The following ATXN2 variants were observed in gnomAD, a reference collection of about 807,000 sequenced individuals.
The protein encoded by ATXN2 is ataxin 2.
Under a neutral mutation model 138.6 loss-of-function variants are expected in ATXN2, and 37 were observed. The ratio of observed to expected loss-of-function variants is 0.27; its 90% CI spans 0.21 to 0.35. The LOEUF is 0.35. ATXN2 is among the 10% of genes least tolerant of loss of function. ATXN2 has a pLI of 1.00. For synonymous variants in ATXN2, 549 were observed against 543.7 expected, an observed-to-expected ratio of 1.01 and a Z score of -0.13; for missense variants, 1,216 against 1,480.3, an observed-to-expected ratio of 0.82 and a Z score of 2.93.
chr12:111,599,397 G>C, upstream of ATXN2: 1 of 1,166,240 alleles, frequency 8.6e-7, no homozygotes, highest in Non-Finnish European at 1.1e-6. Flanking sequence ...CCGCCGCCCC[G>C]CCCGCTCCGC....
chr12:111,581,370 C>G (rs919789505), intron 1 of ATXN2: 3 of 647,598 alleles, frequency 4.6e-6, no homozygotes, highest in Non-Finnish European at 8.7e-6. Flanking sequence ...CTGGTCTTCC[C>G]TGGACACCAT....
At chr12:111,460,462 G>A (rs1398605978) in intron 21 of ATXN2, among the ~76,000 whole-genome samples, 1 of 152,112 alleles carries the variant, frequency 6.6e-6, no homozygotes, top group African/African-American at 2.4e-5. Context: ...CGCCACCCCA[G>A]CCTCTTAAAA....
At chr12:111,593,259 A>G (rs1182958666) in intron 1 of ATXN2, among the ~76,000 whole-genome samples, 1 of 151,770 alleles carries the variant, frequency 6.6e-6, no homozygotes, top group Non-Finnish European at 1.5e-5. Context: ...ATGCCCGGCT[A>G]ATTTTTGTAT....
chr12:111,522,534 C>T (rs554238766), intron 6 of ATXN2, among the ~76,000 whole-genome samples: 130 of 149,880 alleles, frequency 8.7e-4, no homozygotes, highest in Non-Finnish European at 1.6e-3. Context: ...GGTGTGAACC[C>T]GGGAGGCAGA....
chr12:111,581,964 C>T (rs1213901443), intron 1 of ATXN2, among the ~76,000 whole-genome samples: 2 of 149,200 alleles, frequency 1.3e-5, no homozygotes, highest in Non-Finnish European at 3.0e-5. Context: ...AAAAAAAAAA[C>T]ACCAGAGCCA....
rs1402377149 is a variant in ATXN2, at chr12:111,513,421, T to C, written c.1494A>G (p.Ala498=). The change falls in exon 11 of 25, where the codon GCA becomes GCG. Residue 498 remains alanine (A), a synonymous_variant. Coordinates refer to ENST00000673436, the MANE Select transcript of ATXN2 (RefSeq NM_001372574.1). The part of the protein sequence containing the change: ...EFVSHNPPSE[A]ATPPVARTSP... ...TGGTCCTTGCTACTGGAGGAGTAGC[T>C]GCTTCACTGGGTGGGTTGTGGGATA... 1 of 1,614,120 alleles carries C rather than the reference T, an allele frequency of 6.2e-7. No individual in the cohort carries two copies.
intron 14 of ATXN2, among the ~76,000 whole-genome samples, chr12:111,497,154 G>C (rs1878469957): frequency 6.6e-6 from 1 of 152,024 alleles, no homozygotes; most frequent in Non-Finnish European, 1.5e-5. Context: ...TACCAAGACT[G>C]AACCACAAAG....
intron 21 of ATXN2, among the ~76,000 whole-genome samples, chr12:111,463,001 C>CAT (rs1566004427): frequency 2.3e-5 from 3 of 130,916 alleles, no homozygotes; most frequent in Non-Finnish European, 4.4e-5. Flanking sequence ...CACACACACA[C>CAT]ATATATGTAT....
At chr12:111,484,129 C>A (rs1356499839) in intron 18 of ATXN2, among the ~76,000 whole-genome samples, 1 of 152,080 alleles carries the variant, frequency 6.6e-6, no homozygotes, top group African/African-American at 2.4e-5. Flanking sequence ...AAGTTAGTTG[C>A]CCCTCTGCTT....
intron 18 of ATXN2, among the ~76,000 whole-genome samples, chr12:111,481,540 G>T (rs541994265): frequency 6.6e-6 from 1 of 152,300 alleles, no homozygotes; most frequent in South Asian, 2.1e-4. Context: ...GGAGAAACTG[G>T]AACACTTGTA....
At chr12:111,493,716 C>T (rs1343204039) in intron 14 of ATXN2, among the ~76,000 whole-genome samples, 2 of 151,896 alleles carry the variant, frequency 1.3e-5, no homozygotes, top group South Asian at 2.1e-4. Flanking sequence ...GCAACCTCCG[C>T]CTCCCAGGTT....
At chr12:111,595,503 G>A (rs527870975) in intron 1 of ATXN2, among the ~76,000 whole-genome samples, 80 of 151,922 alleles carry the variant, frequency 5.3e-4, no homozygotes, top group South Asian at 1.0e-3. Flanking sequence ...TTAGCCAAGC[G>A]TGGTGGAACA....
intron 14 of ATXN2, among the ~76,000 whole-genome samples, chr12:111,495,964 CA>C (rs1156347814): frequency 7.0e-6 from 1 of 142,522 alleles, no homozygotes; most frequent in East Asian, 2.0e-4. Context: ...GGACACATCG[CA>C]AAGCCCCATC....
At chr12:111,521,224 T>A (rs1426262355) in intron 6 of ATXN2, among the ~76,000 whole-genome samples, 1 of 152,224 alleles carries the variant, frequency 6.6e-6, no homozygotes, top group Admixed American at 6.5e-5. Context: ...AATTACTTCA[T>A]AAAATAGCCT....
intron 1 of ATXN2, among the ~76,000 whole-genome samples, chr12:111,569,255 T>C (rs1032142644): frequency 2.6e-5 from 4 of 152,122 alleles, no homozygotes; most frequent in African/African-American, 4.8e-5. Flanking sequence ...GAAATGAAGA[T>C]GAAAATAGTA....
intron 21 of ATXN2, among the ~76,000 whole-genome samples, chr12:111,459,268 T>A (rs1875375762): frequency 6.6e-6 from 1 of 152,174 alleles, no homozygotes; most frequent in Non-Finnish European, 1.5e-5. Context: ...AAGACAGTCC[T>A]TTTTTTCTAA....
chr12:111,566,072 C>T (rs1193554707), intron 1 of ATXN2, among the ~76,000 whole-genome samples: 1 of 151,918 alleles, frequency 6.6e-6, no homozygotes, highest in African/African-American at 2.4e-5. Flanking sequence ...GTTTTCATAA[C>T]TGCTAACACA....
chr12:111,549,879 T>TA (rs2135782824), intron 5 of ATXN2, among the ~76,000 whole-genome samples: 1 of 151,994 alleles, frequency 6.6e-6, no homozygotes, highest in South Asian at 2.1e-4. Context: ...CTGGCCAACA[T>TA]AGTGAAACCC....
intron 18 of ATXN2, chr12:111,471,479 T>C (rs1876410618): frequency 6.6e-6 from 1 of 152,228 alleles, no homozygotes; most frequent in African/African-American, 2.4e-5. Flanking sequence ...CTATTGTCTG[T>C]GACCTGTTTC....
Sources: gnomAD v4.1 joint callset for allele counts (sites outside exome capture counted in the v4.1 genomes callset) on GRCh38, gnomAD v4.1.1 for gene constraint, MANE v1.5 for transcripts, NCBI Gene and HGNC (gene_info 2026-07-23, HGNC 2026-07-21) for gene names.